The following PIK3C2G variants were observed in gnomAD, a reference collection of about 807,000 sequenced individuals.
PIK3C2G encodes phosphatidylinositol 3-kinase C2 domain-containing subunit gamma.
In PIK3C2G, 168 loss-of-function variants were observed where a neutral mutation model predicts 181.1. The ratio of observed to expected loss-of-function variants is 0.93; its 90% confidence interval spans 0.82 to 1.05. The LOEUF is 1.05. PIK3C2G is among the 50% of genes least tolerant of loss of function. The pLI is 0.00. For synonymous variants in PIK3C2G, 573 were observed against 592.2 expected (o/e 0.97, Z 0.47); for missense variants, 1,869 against 1,732.8 (o/e 1.08, Z -1.40).
At chr12:18,474,439 T>C (rs1383621238) in intron 18 of PIK3C2G, among the ~76,000 whole-genome samples, 2 of 152,118 alleles carry the variant, frequency 1.3e-5, no homozygotes, top group Non-Finnish European at 2.9e-5. Flanking sequence ...AACAGGAGAC[T>C]TTCTCTTGCT....
intron 31 of PIK3C2G, among the ~76,000 whole-genome samples, chr12:18,632,704 C>T (rs1384948317): frequency 6.6e-6 from 1 of 152,056 alleles, no homozygotes. Flanking sequence ...TCCCAGAGGA[C>T]CAGAAGAGAC....
the PIK3C2G span, among the ~76,000 whole-genome samples, chr12:18,689,202 G>A: frequency 7.0e-4 from 107 of 152,098 alleles, no homozygotes; most frequent in African/African-American, 2.4e-3. Context: ...CTATAGACCC[G>A]CTAAATATCA....
At chr12:18,453,365 G>A (rs1285151693) in intron 18 of PIK3C2G, among the ~76,000 whole-genome samples, 1 of 152,074 alleles carries the variant, frequency 6.6e-6, no homozygotes, top group African/African-American at 2.4e-5. Context: ...TCAGAGACTA[G>A]GATTGCAACT....
At chr12:18,627,825 T>G (rs533449076) in intron 31 of PIK3C2G, among the ~76,000 whole-genome samples, 51 of 152,336 alleles carry the variant, frequency 3.3e-4, no homozygotes, top group African/African-American at 1.2e-3. Context: ...TTTTGATAGT[T>G]CCATCATATT....
chr12:18,497,494 A>T (rs1336995146), intron 21 of PIK3C2G, 125 bp from the exon 22 acceptor site: 8 of 634,526 alleles, frequency 1.3e-5, no homozygotes, highest in Non-Finnish European at 1.9e-5. Context: ...TAACAAAACC[A>T]TTAAAACCAC....
intron 24 of PIK3C2G, among the ~76,000 whole-genome samples, chr12:18,506,872 G>A (rs188228473): frequency 2.6e-5 from 4 of 151,988 alleles, no homozygotes; most frequent in East Asian, 1.9e-4. Context: ...TAATGTGATC[G>A]AATTTATACC....
intron 9 of PIK3C2G, among the ~76,000 whole-genome samples, chr12:18,341,533 T>C (rs1222069450): frequency 6.6e-6 from 1 of 152,170 alleles, no homozygotes; most frequent in African/African-American, 2.4e-5. Context: ...ACAAAATAGT[T>C]CAATATTCTG....
the PIK3C2G span, among the ~76,000 whole-genome samples, chr12:18,661,998 C>T: frequency 6.6e-6 from 1 of 152,042 alleles, no homozygotes; most frequent in African/African-American, 2.4e-5. Flanking sequence ...GCCATTATCC[C>T]ATTATCCTAA....
the PIK3C2G span, among the ~76,000 whole-genome samples, chr12:18,714,213 T>C: frequency 6.6e-6 from 1 of 152,200 alleles, no homozygotes; most frequent in Non-Finnish European, 1.5e-5. Context: ...TTAAGATAAT[T>C]CTTTAAATTA....
At chr12:18,602,065 C>A (rs1038794493) in intron 30 of PIK3C2G, among the ~76,000 whole-genome samples, 1 of 152,116 alleles carries the variant, frequency 6.6e-6, no homozygotes, top group Non-Finnish European at 1.5e-5. Flanking sequence ...GGCACGAATC[C>A]GGCTTGGAGA....
At chr12:18,704,762 A>T in the PIK3C2G span, among the ~76,000 whole-genome samples, 1 of 152,142 alleles carries the variant, frequency 6.6e-6, no homozygotes, top group Non-Finnish European at 1.5e-5. Context: ...AGGGAAATTG[A>T]AAAGAGTAGA....
At chr12:18,703,624 T>C in the PIK3C2G span, among the ~76,000 whole-genome samples, 10 of 152,312 alleles carry the variant, frequency 6.6e-5, no homozygotes, top group South Asian at 1.9e-3. Flanking sequence ...CCTTAGAGTG[T>C]AATCAACCGT....
intron 18 of PIK3C2G, among the ~76,000 whole-genome samples, chr12:18,487,166 T>C (rs1940133052): frequency 6.7e-6 from 1 of 149,964 alleles, no homozygotes; most frequent in Non-Finnish European, 1.5e-5. Context: ...TAAGAGCCAT[T>C]ATTTCACACA....
Position 18,525,309 on chromosome 12 carries a change from G to A in PIK3C2G, c.3324-12847G>A, listed in dbSNP as rs528094675. 1.7e-3 allele frequency among the ~76,000 whole-genome samples: 252 copies of A among 151,848 alleles called. 2 individuals are homozygous for A. Among genetic ancestry groups the A allele is most frequent in the African/African-American group, 4.8e-3 (197 of 41,430 alleles). ...CGAGAGGCTGAGGCAGGAGAATCGC[G>A]TGAACCCGGGAGGCAGAGTTTGCAG... On this transcript the variant is annotated intron_variant, in intron 24 of 32. Coordinates refer to ENST00000538779, the MANE Select transcript of PIK3C2G (RefSeq NM_001288772.2).
At chr12:18,302,972 G>A (rs562597676) in intron 5 of PIK3C2G, among the ~76,000 whole-genome samples, 17 of 152,030 alleles carry the variant, frequency 1.1e-4, no homozygotes, top group Non-Finnish European at 1.9e-4. Context: ...GCTTGAGCAC[G>A]GGGTGGAGGG....
At chr12:18,331,071 C>T (rs918948823) in intron 8 of PIK3C2G, among the ~76,000 whole-genome samples, 1 of 152,036 alleles carries the variant, frequency 6.6e-6, no homozygotes, top group East Asian at 1.9e-4. Context: ...TAGTTCTAGA[C>T]CCCCTGTTCT....
the PIK3C2G span, among the ~76,000 whole-genome samples, chr12:18,704,474 T>A: frequency 6.6e-6 from 1 of 152,022 alleles, no homozygotes; most frequent in Non-Finnish European, 1.5e-5. Flanking sequence ...TACAGGTGGA[T>A]GCCACGACAC....
chr12:18,690,575 C>A, the PIK3C2G span, among the ~76,000 whole-genome samples: 1 of 152,042 alleles, frequency 6.6e-6, no homozygotes, highest in Non-Finnish European at 1.5e-5. Flanking sequence ...AGACAAGTTA[C>A]AAGTAAATAA....
chr12:18,355,455 G>A (rs886902098), intron 11 of PIK3C2G, among the ~76,000 whole-genome samples: 1 of 152,194 alleles, frequency 6.6e-6, no homozygotes, highest in Non-Finnish European at 1.5e-5. Context: ...TTTAATCATT[G>A]TATCTCTCCC....
Sources: gnomAD v4.1 joint callset for allele counts (sites outside exome capture counted in the v4.1 genomes callset) on GRCh38, gnomAD v4.1.1 for gene constraint, MANE v1.5 for transcripts, NCBI Gene and HGNC (gene_info 2026-07-23, HGNC 2026-07-21) for gene names.